Variants in RAB30 observed in about 807,000 individuals in gnomAD.
RAB30 encodes ras-related protein Rab-30.
A neutral mutation model predicts 25.1 loss-of-function variants in RAB30; 9 were observed. That is an observed-to-expected ratio of 0.36 (90% CI 0.22 to 0.63). RAB30 has a LOEUF of 0.63. RAB30 is among the 20% of genes least tolerant of loss of function. RAB30 has a pLI of 0.69. For missense variants in RAB30, 140 were observed against 243.5 expected (o/e 0.58, Z 2.83); for synonymous variants, 77 against 86.4 (o/e 0.89, Z 0.60).
intron 1 of RAB30, among the ~76,000 whole-genome samples, chr11:83,052,755 G>C (rs1858382852): frequency 1.3e-5 from 2 of 152,204 alleles, no homozygotes. Flanking sequence ...TGCAAAGATA[G>C]AATCTGGAGC....
At chr11:83,030,904 T>C (rs1002345965) in intron 1 of RAB30, among the ~76,000 whole-genome samples, 1 of 152,200 alleles carries the variant, frequency 6.6e-6, no homozygotes, top group Admixed American at 6.5e-5. Flanking sequence ...TGACTGTTCA[T>C]GTATTTGGAG....
chr11:83,065,775 T>C (rs1858682299), intron 1 of RAB30, among the ~76,000 whole-genome samples: 1 of 152,190 alleles, frequency 6.6e-6, no homozygotes, highest in South Asian at 2.1e-4. Flanking sequence ...ATACCAAGCA[T>C]AGTGTCAGAC....
intron 1 of RAB30, among the ~76,000 whole-genome samples, chr11:83,059,269 C>T (rs1412682010): frequency 1.3e-5 from 2 of 152,210 alleles, no homozygotes; most frequent in African/African-American, 4.8e-5. Flanking sequence ...TGTGCAAAAT[C>T]GAATATATTT....
At chr11:83,054,570 G>A (rs1858418411) in intron 1 of RAB30, among the ~76,000 whole-genome samples, 1 of 152,048 alleles carries the variant, frequency 6.6e-6, no homozygotes, top group Non-Finnish European at 1.5e-5. Flanking sequence ...CAACAAAAAA[G>A]AAAGTTGAGG....
chr11:83,016,038 T>C lies in RAB30; in HGVS notation c.-8-18714A>G, dbSNP rs567079260. 7.9e-5 allele frequency among the ~76,000 whole-genome samples: 12 copies of C among 152,006 alleles called. No homozygotes were observed. In the East Asian group the frequency reaches 2.3e-3, roughly 29 times the overall value. On this transcript the variant is annotated intron_variant, in intron 1 of 4. Coordinates refer to ENST00000527633, the MANE Select transcript of RAB30 (RefSeq NM_001286060.2). Reference sequence around the variant, plus strand: ...CTGTAGTCCCAGCTACTGAGGAGGCTGAGGCAGGAGGATCGCTTGAGCCAG... The same window carrying C: ...CTGTAGTCCCAGCTACTGAGGAGGCCGAGGCAGGAGGATCGCTTGAGCCAG...
At chr11:83,070,567 G>T (rs749828230) in intron 1 of RAB30, among the ~76,000 whole-genome samples, 6 of 151,960 alleles carry the variant, frequency 3.9e-5, no homozygotes, top group South Asian at 2.1e-4. Flanking sequence ...ATTTCCAAGG[G>T]TGTAGATCTC....
intron 3 of RAB30, among the ~76,000 whole-genome samples, chr11:82,990,905 G>A (rs959906298): frequency 6.6e-6 from 1 of 152,006 alleles, no homozygotes; most frequent in African/African-American, 2.4e-5. Context: ...TAAGAGAAGG[G>A]CCTCTTCATT....
intron 1 of RAB30, among the ~76,000 whole-genome samples, chr11:83,059,458 C>T (rs750655069): frequency 6.6e-6 from 1 of 152,156 alleles, no homozygotes; most frequent in Non-Finnish European, 1.5e-5. Flanking sequence ...CCTACTGATA[C>T]ACATTTAAGG....
chr11:82,998,714 A>G (rs1415140283), intron 1 of RAB30, among the ~76,000 whole-genome samples: 1 of 151,872 alleles, frequency 6.6e-6, no homozygotes, highest in Non-Finnish European at 1.5e-5. Flanking sequence ...AAATAATGAA[A>G]AAAAAAAAAA....
intron 1 of RAB30, among the ~76,000 whole-genome samples, chr11:83,045,834 C>T (rs1242346654): frequency 6.6e-6 from 1 of 152,122 alleles, no homozygotes; most frequent in East Asian, 1.9e-4. Context: ...TATCTAAAAT[C>T]CACCCTGAGA....
At chr11:83,008,992 T>C (rs1320531264) in intron 1 of RAB30, among the ~76,000 whole-genome samples, 2 of 152,058 alleles carry the variant, frequency 1.3e-5, no homozygotes, top group African/African-American at 2.4e-5. Context: ...TACGTTAGAC[T>C]CCATCACATA....
chr11:83,031,065 G>A (rs1857845877), intron 1 of RAB30, among the ~76,000 whole-genome samples: 2 of 152,228 alleles, frequency 1.3e-5, no homozygotes, highest in Non-Finnish European at 2.9e-5. Flanking sequence ...CATGCAAGGA[G>A]GTGGAAAGAG....
At chr11:82,995,222 A>G (rs1273225486) in intron 2 of RAB30, among the ~76,000 whole-genome samples, 3 of 152,264 alleles carry the variant, frequency 2.0e-5, no homozygotes. Context: ...ATCTTTAATT[A>G]AGAATTATTT....
At chr11:83,044,218 T>C (rs1038432483) in intron 1 of RAB30, among the ~76,000 whole-genome samples, 2 of 152,238 alleles carry the variant, frequency 1.3e-5, no homozygotes, top group Admixed American at 1.3e-4. Flanking sequence ...TGTATTCATC[T>C]CTACCCCCTG....
chr11:83,004,242 A>G (rs909435004), intron 1 of RAB30, among the ~76,000 whole-genome samples: 8 of 152,220 alleles, frequency 5.3e-5, no homozygotes, highest in African/African-American at 1.9e-4. Flanking sequence ...ATAGTTTTTT[A>G]AAAATAAATA....
At chr11:83,023,969 G>A (rs77846944) in intron 1 of RAB30, among the ~76,000 whole-genome samples, 2,448 of 152,110 alleles carry the variant, frequency 0.016, 65 homozygotes, top group African/African-American at 0.055. Context: ...ACAATACCTC[G>A]ACAGAGTTTA....
chr11:82,985,980 C>T (rs951742141), intron 4 of RAB30, among the ~76,000 whole-genome samples: 6 of 151,940 alleles, frequency 3.9e-5, no homozygotes, highest in Non-Finnish European at 7.4e-5. Flanking sequence ...CCACCATGCC[C>T]GGCTTCTGGA....
At chr11:82,985,806 G>C (rs1037177628) in intron 4 of RAB30, among the ~76,000 whole-genome samples, 1 of 151,060 alleles carries the variant, frequency 6.6e-6, no homozygotes, top group Non-Finnish European at 1.5e-5. Context: ...TCAACTTCTG[G>C]GCTCAGGTGA....
chr11:82,998,064 C>T (rs1050751503), intron 1 of RAB30, among the ~76,000 whole-genome samples: 1 of 152,060 alleles, frequency 6.6e-6, no homozygotes, highest in Non-Finnish European at 1.5e-5. Context: ...ACTGATCTTC[C>T]CCAAATAAAG....
Sources: allele counts gnomAD v4.1 joint callset (sites outside exome capture counted in the v4.1 genomes callset), GRCh38; gene constraint gnomAD v4.1.1; transcripts MANE v1.5; gene names NCBI Gene and HGNC (gene_info 2026-07-23, HGNC 2026-07-21).